The following ROBO1 variants were observed in gnomAD, a reference collection of about 807,000 sequenced individuals.
ROBO1 encodes the protein roundabout guidance receptor 1, also known as roundabout homolog 1.
In ROBO1, 149 loss-of-function variants were observed where a neutral mutation model predicts 195.9. The observed-to-expected ratio is 0.76, with a 90% CI of 0.67 to 0.87. ROBO1 has a LOEUF of 0.87. Among genes scored for constraint, ROBO1 ranks in the 40% least tolerant of loss-of-function variants. The probability of loss-of-function intolerance (pLI) is 0.00; values close to 1 mark genes in which losing one functional copy is unlikely to be tolerated. For missense variants in ROBO1, 1,933 were observed against 2,068.3 expected, an observed-to-expected ratio of 0.93 and a Z score of 1.27; for synonymous variants, 816 against 733.2, an observed-to-expected ratio of 1.11 and a Z score of -1.82.
At chr3:79,120,547 A>G (rs1377659304) in intron 3 of ROBO1, among the ~76,000 whole-genome samples, 1 of 152,146 alleles carries the variant, frequency 6.6e-6, no homozygotes, top group East Asian at 1.9e-4. Flanking sequence ...ACCAGGAAAG[A>G]GAAAGTAATT....
intron 2 of ROBO1, among the ~76,000 whole-genome samples, chr3:79,398,973 A>T (rs577959328): frequency 6.6e-6 from 1 of 151,262 alleles, no homozygotes; most frequent in Admixed American, 6.6e-5. Flanking sequence ...TGAGGGCATA[A>T]GAGAGTGAAT....
At chr3:79,336,836 A>T (rs1266579442) in intron 2 of ROBO1, among the ~76,000 whole-genome samples, 1 of 152,220 alleles carries the variant, frequency 6.6e-6, no homozygotes, top group Non-Finnish European at 1.5e-5. Flanking sequence ...GCAAAGCCAC[A>T]GAGTGGAGCT....
intron 2 of ROBO1, among the ~76,000 whole-genome samples, chr3:79,551,553 A>G (rs1034825568): frequency 6.6e-6 from 1 of 152,146 alleles, no homozygotes; most frequent in Admixed American, 6.6e-5. Context: ...CATTTTTGAC[A>G]GATAAAACAG....
At chr3:78,865,992 A>G (rs371951712) in intron 4 of ROBO1, among the ~76,000 whole-genome samples, 12 of 152,180 alleles carry the variant, frequency 7.9e-5, no homozygotes, top group Admixed American at 2.6e-4. Flanking sequence ...ATCTGTATCA[A>G]TATCTATATG....
intron 2 of ROBO1, among the ~76,000 whole-genome samples, chr3:79,272,710 G>A (rs1202359470): frequency 2.6e-5 from 4 of 152,056 alleles, no homozygotes; most frequent in Non-Finnish European, 5.9e-5. Context: ...TACCCATGGA[G>A]GGAGCATTTA....
At chr3:79,487,992 T>C (rs949438544) in intron 2 of ROBO1, among the ~76,000 whole-genome samples, 3 of 152,112 alleles carry the variant, frequency 2.0e-5, no homozygotes, top group African/African-American at 7.2e-5. Flanking sequence ...CATGAGGCAA[T>C]TGAGAGGTTA....
At chr3:78,719,287 T>A (rs1437108367) in intron 5 of ROBO1, among the ~76,000 whole-genome samples, 1 of 152,198 alleles carries the variant, frequency 6.6e-6, no homozygotes, top group Non-Finnish European at 1.5e-5. Context: ...TAGTCTGTTA[T>A]CCAATTTAAA....
intron 2 of ROBO1, among the ~76,000 whole-genome samples, chr3:79,189,739 C>T (rs1467092077): frequency 3.3e-5 from 5 of 151,712 alleles, no homozygotes; most frequent in African/African-American, 1.2e-4. Flanking sequence ...ATATAGTACA[C>T]TTGTAACCTA....
intron 1 of ROBO1, among the ~76,000 whole-genome samples, chr3:79,681,057 T>C (rs571771510): frequency 6.6e-6 from 1 of 152,102 alleles, no homozygotes; most frequent in South Asian, 2.1e-4. Context: ...GAACAATCCC[T>C]TACATGGATA....
chr3:78,781,561 C>A (rs934399424), intron 4 of ROBO1, among the ~76,000 whole-genome samples: 4 of 152,126 alleles, frequency 2.6e-5, no homozygotes, highest in African/African-American at 9.7e-5. Context: ...TCCTTGACTG[C>A]ACACTGAAAT....
intron 4 of ROBO1, among the ~76,000 whole-genome samples, chr3:78,801,743 G>A (rs746172965): frequency 2.6e-5 from 4 of 151,928 alleles, no homozygotes; most frequent in African/African-American, 9.7e-5. Flanking sequence ...ATTTTCATAC[G>A]ATTATAACAA....
chr3:79,409,222 T>A (rs2037672626), intron 2 of ROBO1, among the ~76,000 whole-genome samples: 1 of 152,090 alleles, frequency 6.6e-6, no homozygotes, highest in Non-Finnish European at 1.5e-5. Context: ...TAATGACCAA[T>A]GAAATATTTT....
chr3:78,748,284 A>G (rs567017186), intron 4 of ROBO1, among the ~76,000 whole-genome samples: 2 of 152,258 alleles, frequency 1.3e-5, no homozygotes, highest in South Asian at 4.1e-4. Flanking sequence ...TGTCTCTACT[A>G]AAAATACAAA....
chr3:78,646,125 T>A (rs748961398), intron 21 of ROBO1, 23 bp downstream of exon 21: 5 of 1,599,360 alleles, frequency 3.1e-6, no homozygotes, highest in Non-Finnish European at 4.3e-6. Flanking sequence ...CTGTAGGATC[T>A]ACAAAACAAG....
chr3:78,615,688 C>T (rs1199765508), intron 27 of ROBO1, among the ~76,000 whole-genome samples: 1 of 152,166 alleles, frequency 6.6e-6, no homozygotes, highest in South Asian at 2.1e-4. Flanking sequence ...GAACTTTCTA[C>T]TGTACCACAA....
At position 78,796,976 on chromosome 3, in the gene ROBO1, C is replaced by G. The variant is rs371417986; in HGVS notation, c.500-50076G>C. ...CTCTCATCTTTCTATCTCTTGTACT[C>G]GAATCTCTCCAACATCTGACCTACT... On this transcript the variant is annotated intron_variant, in intron 4 of 30. Transcript: ENST00000464233. 8.7e-4 allele frequency among the ~76,000 whole-genome samples: 132 copies of G among 152,232 alleles called. 1 individual carries two copies. The highest frequency in any genetic ancestry group is 3.4e-3 in the Middle Eastern group (1 of 294).
At chr3:79,188,862 G>A (rs1265083791) in intron 2 of ROBO1, among the ~76,000 whole-genome samples, 1 of 151,712 alleles carries the variant, frequency 6.6e-6, no homozygotes, top group Non-Finnish European at 1.5e-5. Context: ...CAAGGTAATG[G>A]TATTAGGAGT....
chr3:79,672,211 T>C (rs1412186987), intron 1 of ROBO1, among the ~76,000 whole-genome samples: 1 of 151,974 alleles, frequency 6.6e-6, no homozygotes, highest in African/African-American at 2.4e-5. Flanking sequence ...GTAGGCCAAA[T>C]TTCTGAATGA....
At position 79,376,402 on chromosome 3, in the gene ROBO1, G is replaced by C. The variant is rs527654217; in HGVS notation, c.88+213422C>G. ...AAATATATTCATCTCTTCTGTGTTAGAATGAAAATACACGATGGGTAGTGA... is the reference window on the plus strand; with the variant it reads ...AAATATATTCATCTCTTCTGTGTTACAATGAAAATACACGATGGGTAGTGA... On this transcript the variant is annotated intron_variant, in intron 2 of 30. Transcript: ENST00000464233. Among the ~76,000 whole-genome samples, 7 of 152,220 alleles carry C rather than the reference G, an allele frequency of 4.6e-5. No individual in the cohort carries two copies. The South Asian group carries it at 1.5e-3, about 32-fold the overall frequency.
Sources: allele counts gnomAD v4.1 joint callset (sites outside exome capture counted in the v4.1 genomes callset), GRCh38; gene constraint gnomAD v4.1.1; transcripts MANE v1.5; gene names NCBI Gene and HGNC (gene_info 2026-07-23, HGNC 2026-07-21).